The following LTBP2 variants were observed in gnomAD, a reference collection of about 807,000 sequenced individuals.
The protein encoded by LTBP2 is latent-transforming growth factor beta-binding protein 2.
LTBP2 carries 103 observed loss-of-function variants against 210.6 expected under a neutral mutation model. That is an observed-to-expected ratio of 0.49 (90% CI 0.42 to 0.58). The LOEUF (loss-of-function observed/expected upper bound fraction) is 0.58, where lower values mean the gene tolerates loss of function less well. Among genes scored for constraint, LTBP2 ranks in the 20% least tolerant of loss-of-function variants. The pLI is 0.00. For synonymous variants in LTBP2, 1,007 were observed against 1,015.0 expected, an observed-to-expected ratio of 0.99 and a Z score of 0.15; for missense variants, 2,313 against 2,494.5, an observed-to-expected ratio of 0.93 and a Z score of 1.55.
rs2139746276 is a variant in LTBP2 at position 74,551,297 on chromosome 14, A to G, written c.1453T>C (p.Ser485Pro). ...TGGGCCACCTGGTGGATCTGCACTG[A>G]GGCCTCGGGTGGGTGGTGAATGTGC... is the stretch of plus-strand genomic sequence containing the variant. ...KVHIHHPPEA[S>P]VQIHQVAQVR... is the part of the protein sequence containing the mutation. The change falls in exon 7 of 36, where the codon TCA becomes CCA. Residue 485 changes from serine (S) to proline (P), a missense_variant. Transcript: ENST00000261978. The G allele has an allele frequency of 3.1e-6, 5 of 1,600,592 alleles. No individual in the cohort carries two copies. Among genetic ancestry groups the G allele is most frequent in the Non-Finnish European group, 4.3e-6 (5 of 1,171,882 alleles).
At chr14:74,502,991 G>A in intron 33 of LTBP2, 57 bp from the exon 34 acceptor site, 1 of 1,596,706 alleles carries the variant, frequency 6.3e-7, no homozygotes, top group African/African-American at 1.3e-5. Context: ...GCTAAAGCCT[G>A]GCTGGCTTTG....
At chr14:74,548,981 G>A (rs1982216) in intron 8 of LTBP2, among the ~76,000 whole-genome samples, 145,031 of 152,300 alleles carry the variant, frequency 0.95, 69,344 homozygotes, top group Non-Finnish European at 1. Context: ...TTTGGAAAAT[G>A]TAGTCACTGC....
Position 74,552,261 on chromosome 14 carries a change from C to A in LTBP2, c.1325G>T (p.Gly442Val). ...PQPDREPPGR[G>V]SRPRALLEAP... ...TTCCAGCAAGGCCCTGGGGCGGGAC[C>A]CCCTCCCTGGAGGCTCCCTGTCCGG... The change falls in exon 6 of 36, where the codon GGG (glycine) becomes GTG (valine). Residue 442 changes from glycine to valine, a missense_variant. Gly to Val is a moderately radical substitution (Grantham distance 109, BLOSUM62 -3). Transcript: ENST00000261978. 6.2e-7 allele frequency: 1 copy of A among 1,613,194 alleles called. No individual in the cohort carries two copies. Among genetic ancestry groups the A allele is most frequent in the Non-Finnish European group, 8.5e-7 (1 of 1,179,898 alleles).
intron 5 of LTBP2, among the ~76,000 whole-genome samples, chr14:74,552,612 C>T (rs1254903689): frequency 1.3e-5 from 2 of 152,298 alleles, no homozygotes; most frequent in Non-Finnish European, 2.9e-5. Context: ...TCTATTTAGG[C>T]GTTTCCCTGC....
intron 2 of LTBP2, among the ~76,000 whole-genome samples, chr14:74,595,532 G>C (rs906050891): frequency 1.3e-5 from 2 of 152,212 alleles, no homozygotes; most frequent in Admixed American, 1.3e-4. Flanking sequence ...CTTTTCCAGA[G>C]AAGCAGCTTC....
At chr14:74,521,424 C>A (rs995275567) in intron 17 of LTBP2, among the ~76,000 whole-genome samples, 1 of 151,312 alleles carries the variant, frequency 6.6e-6, no homozygotes, top group Non-Finnish European at 1.5e-5. Flanking sequence ...TGGCAGTGGG[C>A]CACATCACAT....
At chr14:74,507,892 C>T in intron 25 of LTBP2, 81 bp downstream of exon 25, 2 of 1,592,438 alleles carry the variant, frequency 1.3e-6, no homozygotes, top group South Asian at 1.1e-5. Flanking sequence ...AAGTGCTCTG[C>T]TCCATGGGAG....
chr14:74,526,385 G>C (rs773273891), intron 13 of LTBP2, among the ~76,000 whole-genome samples: 31 of 152,338 alleles, frequency 2.0e-4, no homozygotes, highest in Non-Finnish European at 4.0e-4. Flanking sequence ...GCTCAGTGTT[G>C]GGTCCATGGT....
rs1222689618 is a variant in LTBP2, at chr14:74,564,061, TTATATA to T, written c.831-8374_831-8369del. Among the ~76,000 whole-genome samples, 9 of 28,156 alleles carry T rather than the reference TTATATA, an allele frequency of 3.2e-4. 2 individuals carry two copies. The highest frequency in any genetic ancestry group is 6.4e-4 in the Admixed American group (1 of 1,566). 18.5% of individuals were successfully genotyped at this position (28,156 alleles called of 152,430 possible). ...TATATATATATATTTATATATATAT[TTATATA>T]TATATATTTATATATATATTTATAT... On this transcript the variant is annotated intron_variant, in intron 3 of 35. Coordinates refer to ENST00000261978, the MANE Select transcript of LTBP2 (RefSeq NM_000428.3).
At chr14:74,501,409 G>C (rs1387274260) in intron 35 of LTBP2, 32 bp downstream of exon 35, 1 of 1,613,866 alleles carries the variant, frequency 6.2e-7, no homozygotes, top group South Asian at 1.1e-5. Context: ...CAGTGGGCCA[G>C]CCTGACTCCT....
chr14:74,540,809 A>ATT (rs1491126915), intron 8 of LTBP2, among the ~76,000 whole-genome samples: 5 of 63,812 alleles, frequency 7.8e-5, no homozygotes, highest in Admixed American at 2.7e-4. Flanking sequence ...ATATATATAT[A>ATT]ATATATATAT....
intron 19 of LTBP2, among the ~76,000 whole-genome samples, chr14:74,511,039 G>C (rs917318968): frequency 2.6e-5 from 4 of 152,224 alleles, no homozygotes; most frequent in African/African-American, 9.7e-5. Context: ...GGCCAAAGAG[G>C]AGAAAAGGGC....
intron 1 of LTBP2, among the ~76,000 whole-genome samples, 156 bp from the exon 2 acceptor site, chr14:74,603,861 A>C (rs931879604): frequency 3.9e-5 from 6 of 152,166 alleles, no homozygotes; most frequent in African/African-American, 1.4e-4. Flanking sequence ...CTAAGATTGA[A>C]TCCTGACTCT....
At chr14:74,593,388 A>G (rs2088309840) in intron 2 of LTBP2, among the ~76,000 whole-genome samples, 1 of 152,212 alleles carries the variant, frequency 6.6e-6, no homozygotes, top group Non-Finnish European at 1.5e-5. Context: ...GCTCTGCTAC[A>G]TCTCAGCTGC....
intron 18 of LTBP2, 114 bp downstream of exon 18, chr14:74,516,708 A>C (rs2087139004): frequency 7.1e-7 from 1 of 1,403,750 alleles, no homozygotes; most frequent in South Asian, 1.2e-5. Flanking sequence ...TGGGCTCAGC[A>C]TCAAGGGGCC....
rs550949043 is a variant in LTBP2, at chr14:74,551,592, A to C, written c.1400-242T>G. Among the ~76,000 whole-genome samples, 28 of 152,130 alleles carry C rather than the reference A, an allele frequency of 1.8e-4. No homozygotes were observed. The South Asian group carries it at 5.8e-3, about 32-fold the overall frequency. On this transcript the variant is annotated intron_variant, in intron 6 of 35. Transcript: ENST00000261978. ...TATCACATTCCAAGCTACCTTCCTGATTCTACCTCCCCCATGACCCTGGCC... is the reference window on the plus strand; with the variant it reads ...TATCACATTCCAAGCTACCTTCCTGCTTCTACCTCCCCCATGACCCTGGCC...
At chr14:74,572,339 G>T in intron 3 of LTBP2, among the ~76,000 whole-genome samples, 1 of 151,128 alleles carries the variant, frequency 6.6e-6, no homozygotes. Context: ...GAGAGAGAGA[G>T]AGTGTGTGTG....
chr14:74,510,740 C>T (rs1184098371), intron 19 of LTBP2, among the ~76,000 whole-genome samples: 2 of 152,252 alleles, frequency 1.3e-5, no homozygotes, highest in Non-Finnish European at 2.9e-5. Flanking sequence ...AACACTCAGT[C>T]CCTCCCAGCA....
At chr14:74,527,050 G>T (rs2087282270) in intron 13 of LTBP2, among the ~76,000 whole-genome samples, 1 of 152,230 alleles carries the variant, frequency 6.6e-6, no homozygotes, top group Non-Finnish European at 1.5e-5. Context: ...TGACAGCCAG[G>T]CCTAACAGGA....
Sources: gnomAD v4.1 joint callset for allele counts (sites outside exome capture counted in the v4.1 genomes callset) on GRCh38, gnomAD v4.1.1 for gene constraint, MANE v1.5 for transcripts, NCBI Gene and HGNC (gene_info 2026-07-23, HGNC 2026-07-21) for gene names.